TBC1D22A: variants seen among roughly 807,000 people sequenced by gnomAD.
TBC1D22A encodes the protein putative GTPase activator.
A neutral mutation model predicts 60.2 loss-of-function variants in TBC1D22A; 38 were observed. The observed-to-expected ratio is 0.63, with a 90% CI of 0.49 to 0.83. The LOEUF (loss-of-function observed/expected upper bound fraction) is 0.83. Among genes scored for constraint, TBC1D22A ranks in the 40% least tolerant of loss-of-function variants. The pLI, the probability that TBC1D22A is intolerant of heterozygous loss-of-function variation, is 0.00. For missense variants in TBC1D22A, 628 were observed against 701.0 expected (o/e 0.90, Z 1.18); for synonymous variants, 302 against 281.7 (o/e 1.07, Z -0.72).
intron 9 of TBC1D22A, among the ~76,000 whole-genome samples, chr22:46,983,840 T>G (rs1443073656): frequency 6.6e-6 from 1 of 152,108 alleles, no homozygotes; most frequent in Non-Finnish European, 1.5e-5. Context: ...TATTTGGTAT[T>G]AGTAGCTATG....
chr22:46,950,518 G>A (rs1473234000), intron 8 of TBC1D22A, among the ~76,000 whole-genome samples: 5 of 152,126 alleles, frequency 3.3e-5, no homozygotes, highest in South Asian at 2.1e-4. Context: ...CTTTAGGGCC[G>A]ATGGCTGGAT....
At chr22:47,007,512 C>T (rs1322621513) in intron 10 of TBC1D22A, among the ~76,000 whole-genome samples, 3 of 152,196 alleles carry the variant, frequency 2.0e-5, no homozygotes, top group Non-Finnish European at 4.4e-5. Flanking sequence ...TAATAACATA[C>T]CACAGGCTGG....
At chr22:46,807,086 G>A (rs575725266) in intron 4 of TBC1D22A, among the ~76,000 whole-genome samples, 19 of 152,368 alleles carry the variant, frequency 1.2e-4, no homozygotes, top group African/African-American at 4.3e-4. Context: ...GGTGCATCCT[G>A]TAGACACTTT....
At chr22:46,996,126 G>A (rs1199441096) in intron 9 of TBC1D22A, among the ~76,000 whole-genome samples, 1 of 152,238 alleles carries the variant, frequency 6.6e-6, no homozygotes, top group Admixed American at 6.5e-5. Context: ...CGGAAAGGCT[G>A]CCCTGATGCT....
At chr22:47,004,313 T>G (rs1468617221) in intron 10 of TBC1D22A, among the ~76,000 whole-genome samples, 1 of 139,818 alleles carries the variant, frequency 7.2e-6, no homozygotes, top group Admixed American at 7.1e-5. Flanking sequence ...ACACAACCCC[T>G]CATACACACA....
chr22:47,132,916 G>A (rs984278235), intron 12 of TBC1D22A, among the ~76,000 whole-genome samples: 1 of 152,050 alleles, frequency 6.6e-6, no homozygotes, highest in Non-Finnish European at 1.5e-5. Flanking sequence ...TGAACTCCCT[G>A]GGGTGGACAT....
At chr22:47,118,474 T>C (rs1239685445) in intron 12 of TBC1D22A, among the ~76,000 whole-genome samples, 1 of 152,236 alleles carries the variant, frequency 6.6e-6, no homozygotes, top group African/African-American at 2.4e-5. Context: ...GCACAAGGAA[T>C]GTGCCAGTGC....
chr22:46,905,666 C>A (rs180912976), intron 7 of TBC1D22A, among the ~76,000 whole-genome samples: 13 of 152,300 alleles, frequency 8.5e-5, no homozygotes, highest in African/African-American at 2.9e-4. Context: ...CGAGGGCCAG[C>A]GGTCCCAGAA....
intron 11 of TBC1D22A, among the ~76,000 whole-genome samples, chr22:47,049,015 C>T (rs187158036): frequency 3.3e-5 from 5 of 152,202 alleles, no homozygotes; most frequent in Non-Finnish European, 5.9e-5. Flanking sequence ...AGCTTGGCCT[C>T]CTGTGTCCCC....
chr22:47,079,084 C>CATTTT (rs1556117651), intron 11 of TBC1D22A, among the ~76,000 whole-genome samples: 2,305 of 124,824 alleles, frequency 0.018, 61 homozygotes, highest in African/African-American at 0.062. Flanking sequence ...GTAGAGCAGA[C>CATTTT]TTTTTTTTTT....
intron 1 of TBC1D22A, among the ~76,000 whole-genome samples, chr22:46,784,126 A>G (rs1207219151): frequency 2.6e-5 from 4 of 152,090 alleles, no homozygotes; most frequent in South Asian, 2.1e-4. Context: ...GCTCACTGCA[A>G]CCTCAATCTC....
At chr22:46,776,324 G>T (rs762877028) in intron 1 of TBC1D22A, among the ~76,000 whole-genome samples, 5 of 152,146 alleles carry the variant, frequency 3.3e-5, no homozygotes, top group Non-Finnish European at 7.4e-5. Flanking sequence ...AGAGGTGTGC[G>T]TGGAAGTAGT....
Position 46,856,946 on chromosome 22 carries a change from C to T in TBC1D22A, c.638-21707C>T, listed in dbSNP as rs182763202. 8.9e-4 allele frequency among the ~76,000 whole-genome samples: 135 copies of T among 152,298 alleles called. No individual in the cohort carries two copies. In the East Asian group the frequency reaches 0.017, roughly 19 times the overall value. On this transcript the variant is annotated intron_variant, in intron 4 of 12. Transcript: ENST00000337137. ...AAGCATTTGAAATGAGGTTGGGATG[C>T]GAGCTAGAGGCATCTCTCCCCATGA...
At chr22:46,962,088 G>T (rs962463173) in intron 8 of TBC1D22A, among the ~76,000 whole-genome samples, 1 of 152,208 alleles carries the variant, frequency 6.6e-6, no homozygotes, top group Non-Finnish European at 1.5e-5. Flanking sequence ...GTCCTGGGGG[G>T]AGTGTGCTGT....
Position 47,098,708 on chromosome 22 carries a change from G to A in TBC1D22A, c.1330-12800G>A, listed in dbSNP as rs570918410. ...GCCCTGGGGACAGGTCAGATGACTC[G>A]CATCATGGGTGGCTTGGGGTCTGGA... is the stretch of plus-strand genomic sequence containing the variant. On this transcript the variant is annotated intron_variant, in intron 11 of 12. Coordinates refer to ENST00000337137, the MANE Select transcript of TBC1D22A (RefSeq NM_014346.5). 1.1e-3 allele frequency among the ~76,000 whole-genome samples: 166 copies of A among 152,328 alleles called. 1 individual carries two copies. Among genetic ancestry groups the A allele is most frequent in the Middle Eastern group, 0.01 (3 of 294 alleles).
intron 10 of TBC1D22A, among the ~76,000 whole-genome samples, chr22:47,026,680 A>G (rs900801404): frequency 1.3e-5 from 2 of 152,262 alleles, no homozygotes; most frequent in Non-Finnish European, 2.9e-5. Context: ...TGAAATATTT[A>G]GGGAAAACAC....
intron 7 of TBC1D22A, among the ~76,000 whole-genome samples, chr22:46,906,706 A>T (rs5767403): frequency 6.6e-6 from 1 of 151,774 alleles, no homozygotes; most frequent in South Asian, 2.1e-4. Flanking sequence ...TCTCAGCCAC[A>T]TGTACTTCCC....
At chr22:46,776,216 C>A (rs1042209034) in intron 1 of TBC1D22A, among the ~76,000 whole-genome samples, 1 of 152,178 alleles carries the variant, frequency 6.6e-6, no homozygotes, top group Non-Finnish European at 1.5e-5. Context: ...GGGGCTGGGA[C>A]AAGGCCTTCT....
At chr22:47,048,388 G>T (rs1166067129) in intron 11 of TBC1D22A, among the ~76,000 whole-genome samples, 1 of 152,202 alleles carries the variant, frequency 6.6e-6, no homozygotes, top group Non-Finnish European at 1.5e-5. Flanking sequence ...CCAGGACAGG[G>T]TGGTCAGGCC....
Sources: allele counts gnomAD v4.1 joint callset (sites outside exome capture counted in the v4.1 genomes callset), GRCh38; gene constraint gnomAD v4.1.1; transcripts MANE v1.5; gene names NCBI Gene and HGNC (gene_info 2026-07-23, HGNC 2026-07-21).